The following KLF13 variants were observed in gnomAD, a reference collection of about 807,000 sequenced individuals.
The protein encoded by KLF13 is KLF transcription factor 13, also known as Krueppel-like factor 13.
A neutral mutation model predicts 16.7 loss-of-function variants in KLF13; 8 were observed. That is an observed-to-expected ratio of 0.48 (90% CI 0.28 to 0.87). The LOEUF (loss-of-function observed/expected upper bound fraction) is 0.87, where lower values mean the gene tolerates loss of function less well. KLF13 is among the 40% of genes least tolerant of loss of function. The pLI, the probability that KLF13 is intolerant of heterozygous loss-of-function variation, is 0.10. For missense variants in KLF13, 447 were observed against 452.2 expected, an observed-to-expected ratio of 0.99 and a Z score of 0.10; for synonymous variants, 245 against 208.4, an observed-to-expected ratio of 1.18 and a Z score of -1.51.
intron 1 of KLF13, among the ~76,000 whole-genome samples, chr15:31,334,335 ACT>A (rs2038889789): frequency 6.6e-6 from 1 of 152,048 alleles, no homozygotes; most frequent in African/African-American, 2.4e-5. Flanking sequence ...GGCGGGTGAC[ACT>A]CTCTAAGTCC....
intron 1 of KLF13, among the ~76,000 whole-genome samples, chr15:31,333,066 A>C (rs1407974423): frequency 6.6e-6 from 1 of 152,204 alleles, no homozygotes; most frequent in Non-Finnish European, 1.5e-5. Flanking sequence ...AACTTCTAGA[A>C]TAGTACACTC....
intron 2 of KLF13, among the ~76,000 whole-genome samples, chr15:31,396,803 A>T (rs910162175): frequency 6.6e-6 from 1 of 152,214 alleles, no homozygotes; most frequent in Non-Finnish European, 1.5e-5. Context: ...TATTAGTCCT[A>T]GCTACAAAGG....
intron 1 of KLF13, among the ~76,000 whole-genome samples, chr15:31,414,126 A>G (rs1289840144): frequency 2.6e-5 from 4 of 152,180 alleles, no homozygotes; most frequent in African/African-American, 4.8e-5. Flanking sequence ...TTCTTAATAG[A>G]TCACTGGAAT....
intron 1 of KLF13, among the ~76,000 whole-genome samples, chr15:31,422,881 A>G (rs2040345553): frequency 6.6e-6 from 1 of 151,426 alleles, no homozygotes; most frequent in South Asian, 2.1e-4. Flanking sequence ...CAAAAATACA[A>G]AAAAAATTAG....
chr15:31,374,989 G>A lies in KLF13; in HGVS notation c.*2690G>A, dbSNP rs1272498976. On this transcript the variant is annotated 3_prime_UTR_variant, in exon 2 of 2. Coordinates refer to ENST00000307145, the MANE Select transcript of KLF13 (RefSeq NM_015995.4). ...ATTGCCTTAAAACAGAAATATGCAGGCGTTGGCTATTTTTGGCATAAGAGC... is the reference window on the plus strand; with the variant it reads ...ATTGCCTTAAAACAGAAATATGCAGACGTTGGCTATTTTTGGCATAAGAGC... The A allele has an allele frequency of 6.6e-6, 1 of 152,532 alleles. No homozygotes were observed. Among genetic ancestry groups the A allele is most frequent in the Non-Finnish European group, 1.5e-5 (1 of 68,018 alleles). The allele number at this position is 152,532 out of a possible 1,614,324, so 9.4% of individuals were successfully genotyped here.
At chr15:31,328,172 C>T (rs1421525223) in intron 1 of KLF13, among the ~76,000 whole-genome samples, 1 of 150,006 alleles carries the variant, frequency 6.7e-6, no homozygotes, top group African/African-American at 2.4e-5. Flanking sequence ...GACGGTGGGG[C>T]GCCCGGAGCG....
downstream of KLF13, among the ~76,000 whole-genome samples, chr15:31,405,693 G>A (rs772087588): frequency 9.9e-5 from 15 of 152,178 alleles, no homozygotes; most frequent in Non-Finnish European, 2.2e-4. Flanking sequence ...TGACTCACCC[G>A]ACTAAGCAGA....
chr15:31,366,902 C>G (rs1360584231), intron 1 of KLF13, among the ~76,000 whole-genome samples: 1 of 152,268 alleles, frequency 6.6e-6, no homozygotes, highest in African/African-American at 2.4e-5. Context: ...CACTGTTTGC[C>G]TCATTCTCCC....
chr15:31,370,425 C>CTTTTTTT lies in KLF13; in HGVS notation c.578-1580_578-1574dup, dbSNP rs58293460. On this transcript the variant is annotated intron_variant, in intron 1 of 1. Transcript: ENST00000307145. ...CAATTCCTAAATGCTGTTGTTTTTG[C>CTTTTTTT]TTTTTTTTTTTGAGACAGACCCTTG... is the stretch of plus-strand genomic sequence containing the variant. Among the ~76,000 whole-genome samples, 1,276 of 145,136 alleles carry CTTTTTTT rather than the reference C, an allele frequency of 8.8e-3. 23 individuals are homozygous for CTTTTTTT. The highest frequency in any genetic ancestry group is 0.03 in the African/African-American group (1,210 of 39,674).
chr15:31,347,491 G>A (rs1408276027), intron 1 of KLF13, among the ~76,000 whole-genome samples: 2 of 152,296 alleles, frequency 1.3e-5, no homozygotes, highest in East Asian at 3.9e-4. Flanking sequence ...GGCTGGGGAG[G>A]GGCCCCACCT....
intron 1 of KLF13, among the ~76,000 whole-genome samples, chr15:31,332,746 T>C (rs530763873): frequency 6.6e-6 from 1 of 152,300 alleles, no homozygotes; most frequent in East Asian, 1.9e-4. Flanking sequence ...GATTGGTTAC[T>C]GGGGAAGGGC....
At chr15:31,406,725 C>A (rs2040133834), downstream of KLF13, among the ~76,000 whole-genome samples, 1 of 152,200 alleles carries the variant, frequency 6.6e-6, no homozygotes, top group Non-Finnish European at 1.5e-5. Context: ...GTTTCCTTGT[C>A]TTTCCCAGCT....
chr15:31,395,573 T>C (rs903451133), intron 2 of KLF13, among the ~76,000 whole-genome samples: 5 of 152,342 alleles, frequency 3.3e-5, no homozygotes, highest in African/African-American at 1.2e-4. Context: ...ACTGCCAGAC[T>C]GTTTCCATCT....
At chr15:31,382,863 C>T (rs1449365767), downstream of KLF13, among the ~76,000 whole-genome samples, 2 of 152,238 alleles carry the variant, frequency 1.3e-5, no homozygotes, top group South Asian at 2.1e-4. Context: ...AGTACAAAGT[C>T]GTGACGGGCG....
At chr15:31,406,923 T>C (rs376147241), downstream of KLF13, among the ~76,000 whole-genome samples, 3 of 152,200 alleles carry the variant, frequency 2.0e-5, no homozygotes, top group Non-Finnish European at 4.4e-5. Flanking sequence ...ATGAGGACTC[T>C]TGTGATTACA....
At chr15:31,368,527 C>G (rs2039510247) in intron 1 of KLF13, among the ~76,000 whole-genome samples, 1 of 152,166 alleles carries the variant, frequency 6.6e-6, no homozygotes, top group African/African-American at 2.4e-5. Context: ...ACTTCTTCTT[C>G]TTGTTATGGA....
chr15:31,360,720 T>A (rs1478398453), intron 1 of KLF13, among the ~76,000 whole-genome samples: 1 of 152,230 alleles, frequency 6.6e-6, no homozygotes, highest in Admixed American at 6.5e-5. Context: ...GTTGTTGTTT[T>A]GTCTCGGCTC....
downstream of KLF13, among the ~76,000 whole-genome samples, chr15:31,405,624 GT>G (rs1198130800): frequency 6.6e-6 from 1 of 152,208 alleles, no homozygotes; most frequent in Non-Finnish European, 1.5e-5. Context: ...GCCTTCGGTA[GT>G]TTGGTCTTTT....
chr15:31,410,378 G>A (rs1172973545), intron 1 of KLF13, among the ~76,000 whole-genome samples: 2 of 151,744 alleles, frequency 1.3e-5, no homozygotes, highest in Non-Finnish European at 2.9e-5. Flanking sequence ...CAAGATGAAA[G>A]ATTTTAATCA....
Sources: allele counts gnomAD v4.1 joint callset (sites outside exome capture counted in the v4.1 genomes callset), GRCh38; gene constraint gnomAD v4.1.1; transcripts MANE v1.5; gene names NCBI Gene and HGNC (gene_info 2026-07-23, HGNC 2026-07-21).